The following LINGO2 variants were observed in gnomAD, a reference collection of about 807,000 sequenced individuals.
LINGO2 encodes the protein leucine rich repeat and Ig domain containing 2, also known as leucine-rich repeat and immunoglobulin-like domain-containing nogo receptor-interacting protein 2.
In LINGO2, 14 loss-of-function variants were observed where a neutral mutation model predicts 30.6. That is an observed-to-expected ratio of 0.46 (90% CI 0.30 to 0.72). The LOEUF is 0.72. Ranked by LOEUF, LINGO2 falls within the 30% of genes least tolerant of loss-of-function variation. LINGO2 has a pLI of 0.07. For missense variants in LINGO2, 729 were observed against 751.7 expected, an observed-to-expected ratio of 0.97 and a Z score of 0.35; for synonymous variants, 317 against 288.5, an observed-to-expected ratio of 1.10 and a Z score of -1.00.
intron 3 of LINGO2, among the ~76,000 whole-genome samples, chr9:28,351,518 A>G (rs11521397): frequency 0.016 from 2,423 of 149,626 alleles, 27 homozygotes; most frequent in Non-Finnish European, 0.026. Flanking sequence ...ATAGCTTACC[A>G]ACCAAAAAGA....
the LINGO2 span, among the ~76,000 whole-genome samples, chr9:29,167,184 T>C: frequency 6.6e-6 from 1 of 152,188 alleles, no homozygotes; most frequent in Non-Finnish European, 1.5e-5. Context: ...AAAGGAATTA[T>C]AATTTAACAT....
At chr9:28,853,092 C>T in the LINGO2 span, among the ~76,000 whole-genome samples, 2 of 152,008 alleles carry the variant, frequency 1.3e-5, no homozygotes, top group Non-Finnish European at 2.9e-5. Flanking sequence ...GTGTTTATTT[C>T]AGAAAGCTTT....
chr9:27,958,061 C>T (rs889614776), intron 5 of LINGO2, among the ~76,000 whole-genome samples: 2 of 152,160 alleles, frequency 1.3e-5, no homozygotes, highest in African/African-American at 4.8e-5. Flanking sequence ...GGTTTTTCAC[C>T]ATTAAGTTTG....
chr9:28,232,939 T>C (rs1252861955), intron 4 of LINGO2, among the ~76,000 whole-genome samples: 1 of 150,138 alleles, frequency 6.7e-6, no homozygotes, highest in Non-Finnish European at 1.5e-5. Context: ...CCTGGTATCA[T>C]CCAACCTGGG....
intron 2 of LINGO2, among the ~76,000 whole-genome samples, chr9:28,457,092 T>C (rs917256102): frequency 6.6e-6 from 1 of 152,076 alleles, no homozygotes; most frequent in African/African-American, 2.4e-5. Flanking sequence ...ACAGAGCTAA[T>C]TCCAGAAGCA....
intron 3 of LINGO2, among the ~76,000 whole-genome samples, chr9:28,354,029 C>G (rs1820043368): frequency 6.6e-6 from 1 of 152,062 alleles, no homozygotes; most frequent in Non-Finnish European, 1.5e-5. Context: ...GCAGGGATAG[C>G]ATCGGGAGAT....
intron 1 of LINGO2, among the ~76,000 whole-genome samples, chr9:28,661,434 C>A (rs890070500): frequency 2.0e-5 from 3 of 152,024 alleles, no homozygotes; most frequent in Non-Finnish European, 4.4e-5. Context: ...AAACTGCCTG[C>A]CCATTGACCG....
chr9:28,279,560 T>A (rs1249954911), intron 4 of LINGO2, among the ~76,000 whole-genome samples: 3 of 152,314 alleles, frequency 2.0e-5, no homozygotes, highest in Admixed American at 6.5e-5. Context: ...AGGTTAGCAT[T>A]CTTTAGCTTA....
chr9:28,336,320 T>G (rs1490007592), intron 3 of LINGO2, among the ~76,000 whole-genome samples: 1 of 152,260 alleles, frequency 6.6e-6, no homozygotes, highest in East Asian at 1.9e-4. Flanking sequence ...TTAATACAAG[T>G]CATTTGATAG....
the LINGO2 span, among the ~76,000 whole-genome samples, chr9:28,911,939 A>G: frequency 6.6e-6 from 1 of 152,150 alleles, no homozygotes; most frequent in African/African-American, 2.4e-5. Flanking sequence ...AACATCAGTG[A>G]CATATTCTTT....
At chr9:28,869,326 G>T in the LINGO2 span, among the ~76,000 whole-genome samples, 3 of 151,980 alleles carry the variant, frequency 2.0e-5, no homozygotes, top group Non-Finnish European at 4.4e-5. Flanking sequence ...TCCTACAGAA[G>T]AAGTGGCTAA....
intron 1 of LINGO2, among the ~76,000 whole-genome samples, chr9:28,627,714 A>G (rs1419344967): frequency 6.6e-6 from 1 of 152,058 alleles, no homozygotes; most frequent in Non-Finnish European, 1.5e-5. Flanking sequence ...GTTCTTAATT[A>G]TATTTTATAT....
At chr9:28,529,329 A>T (rs1182138760) in intron 1 of LINGO2, among the ~76,000 whole-genome samples, 1 of 152,152 alleles carries the variant, frequency 6.6e-6, no homozygotes, top group African/African-American at 2.4e-5. Context: ...AGATTACTTA[A>T]CTATTTAAGG....
the LINGO2 span, among the ~76,000 whole-genome samples, chr9:28,938,431 T>C: frequency 6.6e-5 from 10 of 152,208 alleles, no homozygotes; most frequent in East Asian, 1.9e-3. Context: ...ATTTTACTTA[T>C]GAGTATTATA....
At chr9:28,023,376 A>T (rs2383758) in intron 4 of LINGO2, among the ~76,000 whole-genome samples, 142,279 of 144,144 alleles carry the variant, frequency 0.99, 70,241 homozygotes, top group Middle Eastern at 1. Context: ...TAGAGGCTTC[A>T]AATTCCTGTA....
chr9:28,025,209 A>AC (rs1823319236), intron 4 of LINGO2, among the ~76,000 whole-genome samples: 1 of 152,154 alleles, frequency 6.6e-6, no homozygotes, highest in African/African-American at 2.4e-5. Flanking sequence ...TCATTCAGTC[A>AC]CCACTATTAC....
chr9:28,892,953 T>C, the LINGO2 span, among the ~76,000 whole-genome samples: 3 of 152,106 alleles, frequency 2.0e-5, no homozygotes, highest in African/African-American at 7.2e-5. Context: ...ATCCTGATTA[T>C]ATCTCAAGTA....
chr9:28,896,342 G>A, the LINGO2 span, among the ~76,000 whole-genome samples: 3 of 152,068 alleles, frequency 2.0e-5, no homozygotes, highest in African/African-American at 7.2e-5. Context: ...GGTACATGCG[G>A]CTTTATTTTA....
intron 3 of LINGO2, among the ~76,000 whole-genome samples, chr9:28,362,237 C>G (rs887873960): frequency 6.7e-6 from 1 of 150,330 alleles, no homozygotes; most frequent in South Asian, 2.1e-4. Flanking sequence ...TGTGCGCATG[C>G]GCATGTGTGT....
Sources: gnomAD v4.1 joint callset for allele counts (sites outside exome capture counted in the v4.1 genomes callset) on GRCh38, gnomAD v4.1.1 for gene constraint, MANE v1.5 for transcripts, NCBI Gene and HGNC (gene_info 2026-07-23, HGNC 2026-07-21) for gene names.